Variants in TBC1D4 observed in about 807,000 individuals in gnomAD.
TBC1D4 encodes TBC1 domain family member 4.
A neutral mutation model predicts 142.5 loss-of-function variants in TBC1D4; 121 were observed. The observed-to-expected ratio is 0.85, with a 90% CI of 0.73 to 0.99. The LOEUF (loss-of-function observed/expected upper bound fraction) is 0.99. Ranked by LOEUF, TBC1D4 falls within the 50% of genes least tolerant of loss-of-function variation. The pLI is 0.00. For synonymous variants in TBC1D4, 630 were observed against 628.2 expected, an observed-to-expected ratio of 1.00 and a Z score of -0.04; for missense variants, 1,475 against 1,606.6, an observed-to-expected ratio of 0.92 and a Z score of 1.40.
At chr13:75,374,695 C>T (rs138138784) in intron 1 of TBC1D4, among the ~76,000 whole-genome samples, 45 of 152,280 alleles carry the variant, frequency 3.0e-4, no homozygotes, top group African/African-American at 1.0e-3. Flanking sequence ...AAGGATTTAT[C>T]TGAGCTGCAG....
intron 1 of TBC1D4, among the ~76,000 whole-genome samples, chr13:75,472,152 C>T (rs1006882765): frequency 6.7e-6 from 1 of 149,526 alleles, no homozygotes; most frequent in Non-Finnish European, 1.5e-5. Flanking sequence ...TGGGCCATTG[C>T]GGTGGCTCAC....
In TBC1D4 at chr13:75,362,652, G is replaced by A; in HGVS notation, c.499-45C>T. On this transcript the variant is annotated intron_variant, in intron 1 of 20. Coordinates refer to ENST00000377636, the MANE Select transcript of TBC1D4 (RefSeq NM_014832.5). The surrounding 1 kb of genome is among the most constrained non-coding windows in gnomAD (Gnocchi z 4.2). ...CCCTGATTCTAGTTGAAAGTTTTGA[G>A]ACAATTTACATTTACCTAGCCCAAT... The A allele has an allele frequency of 6.2e-7, 1 of 1,604,982 alleles. No homozygotes were observed. The highest frequency in any genetic ancestry group is 1.7e-4 in the Middle Eastern group (1 of 6,046).
At chr13:75,451,335 A>G (rs2138241796) in intron 1 of TBC1D4, among the ~76,000 whole-genome samples, 1 of 152,162 alleles carries the variant, frequency 6.6e-6, no homozygotes, top group African/African-American at 2.4e-5. Flanking sequence ...TTGTAATCAA[A>G]TGCTGTATTT....
intron 1 of TBC1D4, among the ~76,000 whole-genome samples, chr13:75,409,514 C>G (rs939367872): frequency 6.6e-6 from 1 of 152,170 alleles, no homozygotes; most frequent in Non-Finnish European, 1.5e-5. Context: ...TAAAGGTTCC[C>G]CCCCTCTTCA....
chr13:75,401,567 T>C (rs1006711695), intron 1 of TBC1D4, among the ~76,000 whole-genome samples: 6 of 152,162 alleles, frequency 3.9e-5, no homozygotes, highest in African/African-American at 1.4e-4. Context: ...ATGTACAAAA[T>C]AAAAAATATA....
chr13:75,443,364 T>C (rs1241926856), intron 1 of TBC1D4, among the ~76,000 whole-genome samples: 1 of 152,204 alleles, frequency 6.6e-6, no homozygotes, highest in Non-Finnish European at 1.5e-5. Context: ...AAGTATTCCA[T>C]ACAGCATTAA....
At chr13:75,365,426 G>A (rs1882854721) in intron 1 of TBC1D4, among the ~76,000 whole-genome samples, 1 of 151,752 alleles carries the variant, frequency 6.6e-6, no homozygotes, top group Non-Finnish European at 1.5e-5. Flanking sequence ...ACACCAGAAG[G>A]GGCACACTGC....
At chr13:75,449,610 G>C (rs1887448711) in intron 1 of TBC1D4, among the ~76,000 whole-genome samples, 1 of 150,426 alleles carries the variant, frequency 6.6e-6, no homozygotes, top group Admixed American at 6.6e-5. Flanking sequence ...TTTTGAGATG[G>C]AGTCTTGCTC....
chr13:75,458,759 TAA>T (rs994661008), intron 1 of TBC1D4, among the ~76,000 whole-genome samples: 3 of 152,066 alleles, frequency 2.0e-5, no homozygotes, highest in African/African-American at 7.2e-5. Flanking sequence ...TTTTAAAAAA[TAA>T]AAGTCTACTA....
chr13:75,395,548 C>T lies in TBC1D4; in HGVS notation c.499-32941G>A, dbSNP rs138958394. On this transcript the variant is annotated intron_variant, in intron 1 of 20. Transcript: ENST00000377636. ...AATCCAACAGTGAAAATAAATGATA[C>T]GGCTAGGCACGGTGGCTCACGCCTG... 2.3e-3 allele frequency among the ~76,000 whole-genome samples: 344 copies of T among 152,180 alleles called. 2 individuals carry two copies. The highest frequency in any genetic ancestry group is 6.9e-3 in the African/African-American group (288 of 41,520).
At chr13:75,339,271 C>T (rs1304879132) in intron 7 of TBC1D4, among the ~76,000 whole-genome samples, 1 of 150,814 alleles carries the variant, frequency 6.6e-6, no homozygotes, top group East Asian at 2.0e-4. Context: ...AAACATTCTC[C>T]CAACTGGAGA....
At chr13:75,322,893 A>G (rs964031817) in intron 11 of TBC1D4, among the ~76,000 whole-genome samples, 12 of 152,132 alleles carry the variant, frequency 7.9e-5, no homozygotes, top group African/African-American at 2.9e-4. Context: ...CCCTGAAAGC[A>G]CTCTAAAGTA....
intron 1 of TBC1D4, among the ~76,000 whole-genome samples, chr13:75,402,119 A>G (rs999891391): frequency 2.0e-5 from 3 of 152,176 alleles, no homozygotes; most frequent in Non-Finnish European, 4.4e-5. Context: ...TCAAGGATGA[A>G]CATGGCACAG....
At chr13:75,328,930 T>C (rs1053667287) in intron 8 of TBC1D4, among the ~76,000 whole-genome samples, 1 of 152,148 alleles carries the variant, frequency 6.6e-6, no homozygotes, top group Non-Finnish European at 1.5e-5. Flanking sequence ...ACCCCCTCTC[T>C]TGCACTCTGA....
chr13:75,410,136 C>G (rs550002538), intron 1 of TBC1D4, among the ~76,000 whole-genome samples: 2 of 152,304 alleles, frequency 1.3e-5, no homozygotes, highest in Middle Eastern at 3.4e-3. Flanking sequence ...ACGGTGTATG[C>G]TCATGATAAT....
chr13:75,373,900 G>A (rs1248715321), intron 1 of TBC1D4, among the ~76,000 whole-genome samples: 5 of 152,126 alleles, frequency 3.3e-5, no homozygotes, highest in Non-Finnish European at 7.4e-5. Context: ...GATACCAAGA[G>A]AAAGTGTATG....
At position 75,402,747 on chromosome 13, in the gene TBC1D4, A is replaced by C. The variant is rs143764120; in HGVS notation, c.499-40140T>G. Among the ~76,000 whole-genome samples the C allele has an allele frequency of 6.4e-4, 97 of 151,000 alleles. No homozygotes were observed. In the East Asian group the frequency reaches 1.0e-2, roughly 16 times the overall value. On this transcript the variant is annotated intron_variant, in intron 1 of 20. Coordinates refer to ENST00000377636, the MANE Select transcript of TBC1D4 (RefSeq NM_014832.5). The stretch of plus-strand genomic sequence containing the variant: ...AAGATTTCTAACATCATTTTGTATA[A>C]ATATTTTAATTCAGGTTAGTACAGA...
chr13:75,454,559 C>G (rs1376126428), intron 1 of TBC1D4, among the ~76,000 whole-genome samples: 3 of 152,176 alleles, frequency 2.0e-5, no homozygotes, highest in Non-Finnish European at 2.9e-5. Context: ...AAGATGTTAT[C>G]AGATCCAAAA....
chr13:75,454,676 G>A (rs528859870), intron 1 of TBC1D4, among the ~76,000 whole-genome samples: 12 of 152,302 alleles, frequency 7.9e-5, no homozygotes, highest in African/African-American at 2.6e-4. Flanking sequence ...GCAGCAGGTC[G>A]CTTTCCAACA....
Sources: gnomAD v4.1 joint callset for allele counts (sites outside exome capture counted in the v4.1 genomes callset) on GRCh38, gnomAD v4.1.1 for gene constraint, Gnocchi (gnomAD v3.1) non-coding constraint, MANE v1.5 for transcripts, NCBI Gene and HGNC (gene_info 2026-07-23, HGNC 2026-07-21) for gene names.